CR1: variants seen among roughly 807,000 people sequenced by gnomAD.
CR1 encodes complement receptor type 1.
Under a neutral mutation model 187.3 loss-of-function variants are expected in CR1, and 116 were observed. That is an observed-to-expected ratio of 0.62 (90% CI 0.53 to 0.72). The LOEUF is 0.72. Among genes scored for constraint, CR1 ranks in the 30% least tolerant of loss-of-function variants. The pLI is 0.00. For missense variants in CR1, 1,731 were observed against 2,110.7 expected (o/e 0.82, Z 3.52); for synonymous variants, 576 against 747.1 (o/e 0.77, Z 3.73).
chr1:207,617,670 T>C (rs867775221), intron 41 of CR1, among the ~76,000 whole-genome samples: 46 of 101,266 alleles, frequency 4.5e-4, no homozygotes, highest in African/African-American at 1.3e-3. Context: ...GAGATTGTAC[T>C]CTTAGCCTCC....
At chr1:207,592,843 A>T (rs1000659948) in intron 35 of CR1, among the ~76,000 whole-genome samples, 6 of 152,168 alleles carry the variant, frequency 3.9e-5, no homozygotes, top group Non-Finnish European at 8.8e-5. Context: ...CCCATTCTAA[A>T]TTCCTGCAAA....
intron 33 of CR1, among the ~76,000 whole-genome samples, chr1:207,586,594 A>G (rs1241637558): frequency 6.6e-6 from 1 of 152,262 alleles, no homozygotes; most frequent in East Asian, 1.9e-4. Context: ...AGATGTTGGC[A>G]GAGGTATTTT....
intron 4 of CR1, among the ~76,000 whole-genome samples, chr1:207,518,676 T>C (rs1365785488): frequency 6.6e-6 from 1 of 152,208 alleles, no homozygotes; most frequent in Non-Finnish European, 1.5e-5. Context: ...TGTAGATGCA[T>C]CATTTCCTTC....
intron 24 of CR1, among the ~76,000 whole-genome samples, chr1:207,567,475 AG>A (rs1179065753): frequency 1.3e-5 from 2 of 150,334 alleles, no homozygotes; most frequent in Non-Finnish European, 2.9e-5. Flanking sequence ...ATCCTGATGA[AG>A]GGCTGACACA....
chr1:207,509,736 G>T (rs1037234756), intron 3 of CR1, among the ~76,000 whole-genome samples: 1 of 152,096 alleles, frequency 6.6e-6, no homozygotes, highest in African/African-American at 2.4e-5. Flanking sequence ...ACCTCAGTGG[G>T]GTCAAAAGCC....
At chr1:207,608,691 T>C (rs1451213968) in intron 36 of CR1, among the ~76,000 whole-genome samples, 1 of 152,184 alleles carries the variant, frequency 6.6e-6, no homozygotes, top group Non-Finnish European at 1.5e-5. Context: ...GGGTTATCTT[T>C]TATAAAAAAA....
chr1:207,502,137 A>G (rs1659290524), intron 1 of CR1, among the ~76,000 whole-genome samples: 1 of 152,214 alleles, frequency 6.6e-6, no homozygotes, highest in South Asian at 2.1e-4. Context: ...AGTGTTAAGC[A>G]CCAGGACTAA....
rs116126557 is a variant in CR1 at position 207,631,018 on chromosome 1, C to T, written c.7457+397C>T. Reference sequence around the variant, plus strand: ...TCCTCTAGAGACTTTCACTTTACCTCCCCAGCCACCAACCCCCTTGATTTC... The same window carrying T: ...TCCTCTAGAGACTTTCACTTTACCTTCCCAGCCACCAACCCCCTTGATTTC... On this transcript the variant is annotated intron_variant, in intron 46 of 46. Coordinates refer to ENST00000367049, the MANE Select transcript of CR1 (RefSeq NM_000651.6). 9.8e-3 allele frequency among the ~76,000 whole-genome samples: 1,497 copies of T among 152,252 alleles called. 25 individuals are homozygous for T. Among genetic ancestry groups the T allele is most frequent in the African/African-American group, 0.035 (1,451 of 41,524 alleles).
intron 24 of CR1, among the ~76,000 whole-genome samples, chr1:207,566,663 A>G (rs1263073255): frequency 6.7e-6 from 1 of 150,226 alleles, no homozygotes; most frequent in Non-Finnish European, 1.5e-5. Flanking sequence ...GTACCTAAAT[A>G]ATTTATGCTG....
chr1:207,584,824 G>T lies in CR1; in HGVS notation c.5478G>T (p.Gly1826=). 2.5e-6 allele frequency: 4 copies of T among 1,613,970 alleles called. No individual in the cohort carries two copies. The highest frequency in any genetic ancestry group is 3.4e-6 in the Non-Finnish European group (4 of 1,179,876). ...STIRCTSDPH[G]NGVWSSPAPR... ...TCCGCTGCACAAGTGACCCTCATGG[G>T]AATGGGGTTTGGAGCAGCCCTGCCC... Residue 1826 remains glycine, a synonymous_variant, in exon 33 of 47, where the codon GGG becomes GGT. Coordinates refer to ENST00000367049, the MANE Select transcript of CR1 (RefSeq NM_000651.6).
rs1464911781 is a variant in CR1 at position 207,565,882 on chromosome 1, G to T, written c.3911G>T (p.Gly1304Val). 3.7e-6 allele frequency: 6 copies of T among 1,610,850 alleles called. No homozygotes were observed. The African/African-American group carries it at 5.5e-5, about 15-fold the overall frequency. ...TCTGCTAGTTATTGTGTCTTGGCTG[G>T]AATGGAAAGCCTTTGGAATAGCAGT... ...GSSASYCVLA[G>V]MESLWNSSVP... The change falls in exon 24 of 47, where the codon GGA (glycine) becomes GTA (valine). Residue 1304 changes from glycine (G) to valine (V), a missense_variant. By Grantham distance (109) the Gly-to-Val change is moderately radical. Coordinates refer to ENST00000367049, the MANE Select transcript of CR1 (RefSeq NM_000651.6).
At chr1:207,593,511 A>G (rs1003858166) in intron 35 of CR1, among the ~76,000 whole-genome samples, 11 of 152,252 alleles carry the variant, frequency 7.2e-5, no homozygotes, top group African/African-American at 2.7e-4. Flanking sequence ...AAACCCTAGA[A>G]GAAAACCTAG....
intron 35 of CR1, chr1:207,598,973 A>T (rs369684655): frequency 1.8e-4 from 27 of 152,324 alleles, no homozygotes; most frequent in South Asian, 8.3e-4. Flanking sequence ...GAGAAAGAGG[A>T]TGGTCACCAT....
chr1:207,498,877 CAAAAA>C (rs56044498), intron 1 of CR1, among the ~76,000 whole-genome samples: 2 of 50,106 alleles, frequency 4.0e-5, no homozygotes, highest in South Asian at 1.8e-3. Context: ...AACTCCAAAT[CAAAAA>C]AAAAAAAAAA....
rs891869510 is a variant in CR1 at position 207,564,030 on chromosome 1, C to A, written c.3753C>A (p.Pro1251=). The change falls in exon 22 of 47, where the codon CCC becomes CCA. Residue 1251 remains proline, a synonymous_variant. Coordinates refer to ENST00000367049, the MANE Select transcript of CR1 (RefSeq NM_000651.6). ...TPQGDWSPAA[P]TCEVKSCDDF... ...AGGGAGACTGGAGCCCTGCAGCCCCCACATGTGAAGGTGACTAGACTCTTA... is the reference window on the plus strand; with the variant it reads ...AGGGAGACTGGAGCCCTGCAGCCCCAACATGTGAAGGTGACTAGACTCTTA... The A allele has an allele frequency of 6.6e-7, 1 of 1,520,702 alleles. No individual in the cohort carries two copies. The allele number at this position is 1,520,702 out of a possible 1,614,324, so 94.2% of individuals were successfully genotyped here.
chr1:207,631,990 G>T (rs547742996), intron 46 of CR1, among the ~76,000 whole-genome samples: 15 of 152,178 alleles, frequency 9.9e-5, no homozygotes, highest in Admixed American at 4.6e-4. Context: ...AGTGGAAGGG[G>T]CCCCAGGAAA....
At chr1:207,622,060 A>G (rs540060827) in intron 44 of CR1, 64 bp downstream of exon 44, 1 of 1,282,080 alleles carries the variant, frequency 7.8e-7, no homozygotes, top group East Asian at 2.4e-5. Context: ...CCTACCTATA[A>G]TGAATGAAAT....
chr1:207,575,133 A>C (rs899489897), intron 27 of CR1, among the ~76,000 whole-genome samples: 1 of 152,128 alleles, frequency 6.6e-6, no homozygotes, highest in Non-Finnish European at 1.5e-5. Context: ...AAAGTCTCTT[A>C]GACAAGATCA....
intron 3 of CR1, among the ~76,000 whole-genome samples, chr1:207,510,646 C>T (rs2102286747): frequency 6.6e-6 from 1 of 152,214 alleles, no homozygotes; most frequent in South Asian, 2.1e-4. Flanking sequence ...GAATTGCTGA[C>T]TTTAGTATTT....
Sources: gnomAD v4.1 joint callset for allele counts (sites outside exome capture counted in the v4.1 genomes callset) on GRCh38, gnomAD v4.1.1 for gene constraint, MANE v1.5 for transcripts, NCBI Gene and HGNC (gene_info 2026-07-23, HGNC 2026-07-21) for gene names.